The following GNAT2 variants were observed in gnomAD, a reference collection of about 807,000 sequenced individuals.
The protein encoded by GNAT2 is guanine nucleotide-binding protein G(t) subunit alpha-2.
In GNAT2, 32 loss-of-function variants were observed where a neutral mutation model predicts 40.9. That is an observed-to-expected ratio of 0.78 (90% CI 0.59 to 1.05). The LOEUF is 1.05. GNAT2 is among the 50% of genes least tolerant of loss of function. The pLI, the probability that GNAT2 is intolerant of heterozygous loss-of-function variation, is 0.00. For synonymous variants in GNAT2, 141 were observed against 157.2 expected, an observed-to-expected ratio of 0.90 and a Z score of 0.77; for missense variants, 355 against 431.5, an observed-to-expected ratio of 0.82 and a Z score of 1.57.
At chr1:109,613,077 G>T in intron 1 of GNAT2, 154 bp from the exon 2 acceptor site, 1 of 618,112 alleles carries the variant, frequency 1.6e-6, no homozygotes, top group South Asian at 1.7e-5. Flanking sequence ...TTCAACTGGA[G>T]ACCTACTTCT....
Position 109,613,100 on chromosome 1 carries a change from T to C in GNAT2, c.-53-177A>G, listed in dbSNP as rs1649852419. On this transcript the variant is annotated intron_variant, in intron 1 of 8. Transcript: ENST00000679935. ...GAGACCTACTTCTTAGTCTAGGGAT[T>C]GTAGCCTTTATATCTAGCAATGTGA... is the stretch of plus-strand genomic sequence containing the variant. 5 of 541,704 alleles carry C rather than the reference T, an allele frequency of 9.2e-6. No homozygotes were observed. In the South Asian group the frequency reaches 9.4e-5, roughly 10 times the overall value. 33.6% of individuals were successfully genotyped at this position (541,704 alleles called of 1,614,324 possible). A position where few individuals can be genotyped will look rare whatever the true frequency, so the allele number is the denominator to read the frequency against.
chr1:109,605,314 T>A (rs1229549750), intron 7 of GNAT2: 2 of 153,386 alleles, frequency 1.3e-5, no homozygotes, highest in African/African-American at 4.8e-5. Context: ...TTGGGTGAAA[T>A]TAACGTTTTT....
In GNAT2 at chr1:109,610,534, G is replaced by A. The variant is rs538415975; in HGVS notation, c.119-27C>T. The stretch of plus-strand genomic sequence containing the variant: ...TGGAAGGAAAAATGCTTATGCTTTC[G>A]ATTTCCACCAGTTCTCCTCAGCCTT... On this transcript the variant is annotated intron_variant, in intron 2 of 8. Transcript: ENST00000679935. The A allele has an allele frequency of 1.8e-5, 29 of 1,606,354 alleles. No individual in the cohort carries two copies. In the African/African-American group the frequency reaches 3.6e-4, roughly 20 times the overall value.
rs1649595728 is a variant in GNAT2, at chr1:109,606,377, A to G, written c.521T>C (p.Val174Ala). ...DPEYLPSEQD[V>A]LRSRVKTTGI... Reference sequence around the variant, plus strand: ...CGTGGTTTTGACTCTGGATCGGAGCACATCTTGCTCACTAGGGAGGTACTC... The same window carrying G: ...CGTGGTTTTGACTCTGGATCGGAGCGCATCTTGCTCACTAGGGAGGTACTC... The change falls in exon 6 of 9, where the codon GTG (valine) becomes GCG (alanine). Residue 174 changes from valine (V) to alanine (A), a missense_variant. By Grantham distance (64) the Val-to-Ala change is moderately conservative. Coordinates refer to ENST00000679935, the MANE Select transcript of GNAT2 (RefSeq NM_001377295.2). The G allele has an allele frequency of 6.2e-7, 1 of 1,611,862 alleles. No individual in the cohort carries two copies. Among genetic ancestry groups the G allele is most frequent in the Non-Finnish European group, 8.5e-7 (1 of 1,177,906 alleles).
Position 109,612,711 on chromosome 1 carries a change from A to C in GNAT2, c.118+42T>G. 4 of 1,207,538 alleles carry C rather than the reference A, an allele frequency of 3.3e-6. No individual in the cohort carries two copies. The South Asian group carries it at 4.8e-5, about 15-fold the overall frequency. The allele number at this position is 1,207,538 out of a possible 1,614,324, so 74.8% of individuals were successfully genotyped here. The stretch of plus-strand genomic sequence containing the variant: ...CCACCAACCCTTCAGGAAAGTAGGA[A>C]GGACCCCTGCCTTCTCTGGCTCATC... On this transcript the variant is annotated intron_variant, in intron 2 of 8. Coordinates refer to ENST00000679935, the MANE Select transcript of GNAT2 (RefSeq NM_001377295.2).
intron 1 of GNAT2, chr1:109,613,274 C>G (rs990083756): frequency 1.9e-4 from 56 of 293,036 alleles, no homozygotes; most frequent in South Asian, 1.2e-3. Flanking sequence ...CCCTGAAAGT[C>G]TCTTGCTTCC....
chr1:109,607,450 C>CAAAAAAAAAAAA (rs1436761505), intron 5 of GNAT2: 1 of 67,734 alleles, frequency 1.5e-5, no homozygotes, highest in Non-Finnish European at 3.0e-5. Flanking sequence ...GACTCCGTCT[C>CAAAAAAAAAAAA]CAAAAAAAAA....
At chr1:109,608,965 C>T (rs1649706839) in intron 4 of GNAT2, 177 bp from the exon 5 acceptor site, 2 of 670,956 alleles carry the variant, frequency 3.0e-6, no homozygotes, top group Admixed American at 2.1e-5. Context: ...GTATGCTCCC[C>T]AGATGCAGAG....
At chr1:109,618,478 A>G (rs549983269) in intron 1 of GNAT2, among the ~76,000 whole-genome samples, 5 of 152,220 alleles carry the variant, frequency 3.3e-5, no homozygotes, top group Non-Finnish European at 5.9e-5. Flanking sequence ...TAGAAAAACA[A>G]CTTCCAGAAA....
rs1216154627 is a variant in GNAT2 at position 109,603,255 on chromosome 1, T to G, written c.*99A>C. The G allele has an allele frequency of 9.5e-6, 7 of 734,396 alleles. No individual in the cohort carries two copies. In the Admixed American group the frequency reaches 1.2e-4, roughly 12 times the overall value. The allele number at this position is 734,396 out of a possible 1,614,324, so 45.5% of individuals were successfully genotyped here. Reference sequence around the variant, plus strand: ...TATACTCCATCTCCAAAGAATGGATTCATTCTTCATGTCATGGTATATTGA... The same window carrying G: ...TATACTCCATCTCCAAAGAATGGATGCATTCTTCATGTCATGGTATATTGA... On this transcript the variant is annotated 3_prime_UTR_variant, in exon 9 of 9. Coordinates refer to ENST00000679935, the MANE Select transcript of GNAT2 (RefSeq NM_001377295.2).
chr1:109,615,892 T>G (rs1326593081), intron 1 of GNAT2: 1 of 152,320 alleles, frequency 6.6e-6, no homozygotes, highest in Non-Finnish European at 1.5e-5. Context: ...GACAAATGCA[T>G]GAACTCTATA....
In GNAT2 at chr1:109,612,149, C is replaced by T. The variant is rs560151142; in HGVS notation, c.118+604G>A. ...GAGCTCATCAAGTTGATGAACCTTC[C>T]ATCTGGCAGGAGCTTTGCAGGCAGC... On this transcript the variant is annotated intron_variant, in intron 2 of 8. Coordinates refer to ENST00000679935, the MANE Select transcript of GNAT2 (RefSeq NM_001377295.2). 1.8e-5 allele frequency: 3 copies of T among 167,718 alleles called. No homozygotes were observed. The South Asian group carries it at 4.2e-4, about 23-fold the overall frequency. The allele number at this position is 167,718 out of a possible 1,614,324, so 10.4% of individuals were successfully genotyped here. A position where few individuals can be genotyped will look rare whatever the true frequency, so the allele number is the denominator to read the frequency against.
intron 7 of GNAT2, chr1:109,604,499 T>C (rs1649534432): frequency 4.0e-6 from 1 of 248,244 alleles, no homozygotes; most frequent in Non-Finnish European, 8.0e-6. Flanking sequence ...TGATAATGGG[T>C]TGAAACAGGC....
At position 109,605,987 on chromosome 1, in the gene GNAT2, C is replaced by T. The variant is rs1308143262; in HGVS notation, c.703G>A (p.Val235Met). 6.2e-7 allele frequency: 1 copy of T among 1,613,794 alleles called. No homozygotes were observed. The highest frequency in any genetic ancestry group is 1.3e-5 in the African/African-American group (1 of 75,042). Residue 235 changes from valine (V) to methionine (M), a missense_variant, in exon 7 of 9, where the codon GTG becomes ATG. Coordinates refer to ENST00000679935, the MANE Select transcript of GNAT2 (RefSeq NM_001377295.2). The part of the protein sequence containing the change: ...AALSAYDMVL[V>M]EDDEVNRMHE... ...CCACTCACCACTTCGTCATCTTCCACCAGCACCATATCATAGGCACTGAGG... is the reference window on the plus strand; with the variant it reads ...CCACTCACCACTTCGTCATCTTCCATCAGCACCATATCATAGGCACTGAGG...
At chr1:109,608,259 T>G in intron 5 of GNAT2, 1 of 338,582 alleles carries the variant, frequency 3.0e-6, no homozygotes, top group South Asian at 2.5e-5. Context: ...CCTGCGAGAG[T>G]GTATGACAGA....
chr1:109,612,609 C>T (rs1442534095), intron 2 of GNAT2, 144 bp downstream of exon 2: 1 of 714,208 alleles, frequency 1.4e-6, no homozygotes, highest in East Asian at 2.7e-5. Flanking sequence ...TCTAGATCTC[C>T]TGATCCCCTA....
At chr1:109,604,665 C>T (rs12021920) in intron 7 of GNAT2, 22,365 of 161,120 alleles carry the variant, frequency 0.14, 1,727 homozygotes, top group South Asian at 0.2. Context: ...TCTGCTCTCT[C>T]ATTTCCTTCT....
intron 6 of GNAT2, 23 bp from the exon 7 acceptor site, chr1:109,606,122 T>G: frequency 6.2e-7 from 1 of 1,613,944 alleles, no homozygotes; most frequent in Non-Finnish European, 8.5e-7. Flanking sequence ...GCAGCTATTT[T>G]CATAGGTATG....
Position 109,610,071 on chromosome 1 carries a change from A to T in GNAT2, c.272T>A (p.Leu91Gln). 2 of 1,614,112 alleles carry T rather than the reference A, an allele frequency of 1.2e-6. No individual in the cohort carries two copies. Among genetic ancestry groups the T allele is most frequent in the Non-Finnish European group, 1.7e-6 (2 of 1,179,952 alleles). ...GCTTGGTTCAGCATAATCGATGCCC[A>T]GTGTGGTCATGGCCCGGATGATAGC... ...ILAIIRAMTT[L>Q]GIDYAEPSCA... Residue 91 changes from leucine to glutamine, a missense_variant, in exon 4 of 9, where the codon CTG becomes CAG. Leu to Gln is a moderately radical substitution (Grantham distance 113). Transcript: ENST00000679935.
Sources: gnomAD v4.1 joint callset for allele counts (sites outside exome capture counted in the v4.1 genomes callset) on GRCh38, gnomAD v4.1.1 for gene constraint, MANE v1.5 for transcripts, NCBI Gene and HGNC (gene_info 2026-07-23, HGNC 2026-07-21) for gene names.